FGF12: variants seen among roughly 807,000 people sequenced by gnomAD.
FGF12 encodes fibroblast growth factor 12B.
A neutral mutation model predicts 23.6 loss-of-function variants in FGF12; 14 were observed. The observed-to-expected ratio is 0.59, with a 90% confidence interval of 0.39 to 0.93. The LOEUF (loss-of-function observed/expected upper bound fraction) is 0.93. Among genes scored for constraint, FGF12 ranks in the 40% least tolerant of loss-of-function variants. The pLI, the probability that FGF12 is intolerant of heterozygous loss-of-function variation, is 0.00. For missense variants in FGF12, 175 were observed against 217.8 expected (o/e 0.80, Z 1.24); for synonymous variants, 62 against 77.3 (o/e 0.80, Z 1.04).
intron 2 of FGF12, among the ~76,000 whole-genome samples, chr3:192,708,222 G>C (rs1718545802): frequency 6.6e-6 from 1 of 152,128 alleles, no homozygotes; most frequent in East Asian, 1.9e-4. Flanking sequence ...GCCTCCCAAA[G>C]TGCTGGGATT....
chr3:192,700,099 A>G (rs558136626), intron 2 of FGF12, among the ~76,000 whole-genome samples: 26 of 152,336 alleles, frequency 1.7e-4, no homozygotes, highest in African/African-American at 6.0e-4. Context: ...GGTGGTAATT[A>G]GCACGTTTCC....
chr3:192,566,110 C>T (rs1183076562), intron 2 of FGF12, among the ~76,000 whole-genome samples: 2 of 152,140 alleles, frequency 1.3e-5, no homozygotes, highest in African/African-American at 2.4e-5. Context: ...AGAGGCATGA[C>T]TGCATATGAA....
chr3:192,251,381 G>T (rs1432952406), intron 4 of FGF12, among the ~76,000 whole-genome samples: 2 of 152,010 alleles, frequency 1.3e-5, no homozygotes, highest in Admixed American at 1.3e-4. Flanking sequence ...CCTAAATTTG[G>T]CTATAACAGG....
chr3:192,408,954 G>T lies in FGF12; in HGVS notation c.14-48416C>A. ...CCCGAGTTCTGGAATTCCGAGAGGCGCGAAGTGGGAGCGGTTACCCGGAGT... is the reference window on the plus strand; with the variant it reads ...CCCGAGTTCTGGAATTCCGAGAGGCTCGAAGTGGGAGCGGTTACCCGGAGT... On this transcript the variant is annotated intron_variant, in intron 2 of 5. Coordinates refer to ENST00000445105, the MANE Select transcript of FGF12 (RefSeq NM_004113.6). This position sits in a 1 kb window ranked among gnomAD's most constrained non-coding sequence, Gnocchi z 7.3. 1.0e-6 allele frequency: 1 copy of T among 985,108 alleles called. No homozygotes were observed. The highest frequency in any genetic ancestry group is 4.7e-5 in the South Asian group (1 of 21,268). 61.0% of individuals were successfully genotyped at this position (985,108 alleles called of 1,614,324 possible). A position where few individuals can be genotyped will look rare whatever the true frequency, so the allele number is the denominator to read the frequency against.
intron 4 of FGF12, among the ~76,000 whole-genome samples, chr3:192,202,819 A>C (rs912358113): frequency 6.6e-6 from 1 of 152,196 alleles, no homozygotes; most frequent in African/African-American, 2.4e-5. Flanking sequence ...TTGCAACTTA[A>C]AAAGTGCTAT....
chr3:192,492,181 C>G (rs1249066478), intron 2 of FGF12, among the ~76,000 whole-genome samples: 1 of 152,086 alleles, frequency 6.6e-6, no homozygotes, highest in African/African-American at 2.4e-5. Context: ...TTTGTAAACA[C>G]CTGATCAATA....
intron 4 of FGF12, among the ~76,000 whole-genome samples, chr3:192,245,901 C>T (rs1307175121): frequency 1.3e-5 from 2 of 152,020 alleles, no homozygotes; most frequent in African/African-American, 4.8e-5. Flanking sequence ...TGCTAAAAGA[C>T]TGAATAAATG....
intron 4 of FGF12, among the ~76,000 whole-genome samples, chr3:192,277,820 T>G (rs1713892571): frequency 6.6e-6 from 1 of 152,198 alleles, no homozygotes; most frequent in South Asian, 2.1e-4. Context: ...TGGAGTGCAG[T>G]GGTGCGATCT....
At chr3:192,665,448 A>G (rs1160034129) in intron 2 of FGF12, among the ~76,000 whole-genome samples, 4 of 152,214 alleles carry the variant, frequency 2.6e-5, no homozygotes, top group South Asian at 2.1e-4. Flanking sequence ...GAATGAGTTC[A>G]TATCCTTTGC....
At chr3:192,265,014 T>G (rs1041153598) in intron 4 of FGF12, among the ~76,000 whole-genome samples, 8 of 152,116 alleles carry the variant, frequency 5.3e-5, no homozygotes, top group Non-Finnish European at 1.2e-4. Context: ...TCATTTTCAC[T>G]TTATAAGTAA....
chr3:192,199,641 G>T (rs1319648238), intron 4 of FGF12, among the ~76,000 whole-genome samples: 1 of 152,184 alleles, frequency 6.6e-6, no homozygotes, highest in Non-Finnish European at 1.5e-5. Flanking sequence ...TTGGCCATCT[G>T]AGAAAAGCTA....
At chr3:192,216,085 T>C (rs1323259883) in intron 4 of FGF12, among the ~76,000 whole-genome samples, 1 of 152,212 alleles carries the variant, frequency 6.6e-6, no homozygotes, top group Non-Finnish European at 1.5e-5. Flanking sequence ...ACAGTAAATT[T>C]AGGAAAATTT....
chr3:192,467,078 A>C (rs1273536282), intron 2 of FGF12, among the ~76,000 whole-genome samples: 4 of 152,206 alleles, frequency 2.6e-5, no homozygotes, highest in African/African-American at 9.6e-5. Flanking sequence ...TGTTTGTAAC[A>C]TCTGCATAGA....
rs552944344 is a variant in FGF12, at chr3:192,656,067, T to C, written c.13+71114A>G. On this transcript the variant is annotated intron_variant, in intron 2 of 5. Transcript: ENST00000445105. ...AAAAAAAAAAAAAAAAAAAAATTCTTTTCCTTGCAGTACCTAGCACAGGAC... is the reference window on the plus strand; with the variant it reads ...AAAAAAAAAAAAAAAAAAAAATTCTCTTCCTTGCAGTACCTAGCACAGGAC... Among the ~76,000 whole-genome samples, 7 of 151,808 alleles carry C rather than the reference T, an allele frequency of 4.6e-5. No homozygotes were observed. The South Asian group carries it at 1.5e-3, about 32-fold the overall frequency.
intron 4 of FGF12, among the ~76,000 whole-genome samples, chr3:192,278,467 T>C (rs1713935567): frequency 6.6e-6 from 1 of 152,074 alleles, no homozygotes; most frequent in African/African-American, 2.4e-5. Flanking sequence ...CCTAGGAACG[T>C]AGAAAGCAAG....
chr3:192,161,622 C>T (rs769808966), intron 5 of FGF12, among the ~76,000 whole-genome samples: 1 of 151,930 alleles, frequency 6.6e-6, no homozygotes, highest in Non-Finnish European at 1.5e-5. Flanking sequence ...GCTGTATACA[C>T]CTAAGTGAGT....
intron 2 of FGF12, among the ~76,000 whole-genome samples, chr3:192,627,649 G>A (rs113903698): frequency 6.1e-4 from 93 of 152,178 alleles, no homozygotes; most frequent in African/African-American, 1.5e-3. Flanking sequence ...CTTATTAGTA[G>A]GGATATCATT....
chr3:192,305,200 A>G (rs1715556754), intron 4 of FGF12, among the ~76,000 whole-genome samples: 1 of 152,176 alleles, frequency 6.6e-6, no homozygotes, highest in Non-Finnish European at 1.5e-5. Flanking sequence ...CATTTTTCAG[A>G]TACAGTATAA....
chr3:192,435,994 C>T (rs926369458), intron 2 of FGF12, among the ~76,000 whole-genome samples: 2 of 152,172 alleles, frequency 1.3e-5, no homozygotes, highest in African/African-American at 4.8e-5. Flanking sequence ...CACACCACAG[C>T]GAATACGTCT....
Sources: allele counts gnomAD v4.1 joint callset (sites outside exome capture counted in the v4.1 genomes callset), GRCh38; gene constraint gnomAD v4.1.1; non-coding constraint Gnocchi (gnomAD v3.1); transcripts MANE v1.5; gene names NCBI Gene and HGNC (gene_info 2026-07-23, HGNC 2026-07-21).